The following TMEM150C variants were observed in gnomAD, a reference collection of about 807,000 sequenced individuals.
TMEM150C encodes transmembrane protein 150C.
Under a neutral mutation model 29.9 loss-of-function variants are expected in TMEM150C, and 10 were observed. That is an observed-to-expected ratio of 0.33 (90% CI 0.21 to 0.57). The LOEUF (loss-of-function observed/expected upper bound fraction) is 0.57, where lower values mean the gene tolerates loss of function less well. Ranked by LOEUF, TMEM150C falls within the 20% of genes least tolerant of loss-of-function variation. The probability of loss-of-function intolerance (pLI) is 0.88; values close to 1 mark genes in which losing one functional copy is unlikely to be tolerated. For synonymous variants in TMEM150C, 101 were observed against 112.5 expected (o/e 0.90, Z 0.64); for missense variants, 251 against 303.6 (o/e 0.83, Z 1.29).
chr4:82,496,114 G>A lies in TMEM150C; in HGVS notation c.317C>T (p.Ala106Val). The A allele has an allele frequency of 1.9e-6, 3 of 1,613,946 alleles. No individual in the cohort carries two copies. Among genetic ancestry groups the A allele is most frequent in the Non-Finnish European group, 2.5e-6 (3 of 1,179,884 alleles). ...CATTCCGAAGGAAGCCAGACACAGAGCCACCAATCCACTAATATTCAGCCA... is the reference window on the plus strand; with the variant it reads ...CATTCCGAAGGAAGCCAGACACAGAACCACCAATCCACTAATATTCAGCCA... ...NPWLNISGLV[A>V]LCLASFGMTL... Residue 106 changes from alanine to valine, a missense_variant, in exon 6 of 8, where the codon GCT becomes GTT. Transcript: ENST00000449862.
intron 1 of TMEM150C, among the ~76,000 whole-genome samples, chr4:82,546,624 C>T (rs760267495): frequency 2.0e-5 from 3 of 151,968 alleles, no homozygotes; most frequent in Non-Finnish European, 4.4e-5. Flanking sequence ...GCCAGGAGAT[C>T]GAGACCATCT....
intron 1 of TMEM150C, 130 bp from the exon 2 acceptor site, chr4:82,504,797 G>A (rs544297208): frequency 5.0e-5 from 30 of 600,362 alleles, no homozygotes; most frequent in Non-Finnish European, 8.7e-5. Context: ...TTGGGAGGCC[G>A]AGGTGGGCGG....
intron 6 of TMEM150C, chr4:82,491,125 C>T: frequency 1.4e-6 from 1 of 702,140 alleles, no homozygotes; most frequent in South Asian, 1.5e-5. Flanking sequence ...AGGAAGACAG[C>T]TAGCTCGATG....
intron 1 of TMEM150C, among the ~76,000 whole-genome samples, chr4:82,512,079 A>G (rs191330523): frequency 2.6e-5 from 4 of 152,150 alleles, no homozygotes; most frequent in Admixed American, 2.0e-4. Context: ...ACCTTTCTAG[A>G]CTCCTTTGAA....
At chr4:82,487,361 A>G (rs1167954552) in intron 7 of TMEM150C, among the ~76,000 whole-genome samples, 1 of 152,146 alleles carries the variant, frequency 6.6e-6, no homozygotes, top group East Asian at 1.9e-4. Flanking sequence ...AGATGGGAGG[A>G]TGGCTTGAAC....
Position 82,561,893 on chromosome 4 carries a change from G to GCGC in TMEM150C, c.-11+10_-11+12dup. The GCGC allele has an allele frequency of 2.0e-6, 2 of 992,578 alleles. No homozygotes were observed. Among genetic ancestry groups the GCGC allele is most frequent in the Non-Finnish European group, 2.4e-6 (2 of 834,478 alleles). 61.5% of individuals were successfully genotyped at this position (992,578 alleles called of 1,614,324 possible). ...GCGACGGGCCCAGGCAGGGGAGGGG[G>GCGC]CGCCGCGCCTACCTGCTCTGGTGCG... On this transcript the variant is annotated intron_variant, in intron 1 of 7. Coordinates refer to ENST00000449862, the MANE Select transcript of TMEM150C (RefSeq NM_001080506.3).
chr4:82,515,466 C>A (rs1023675542), intron 1 of TMEM150C, among the ~76,000 whole-genome samples: 1 of 151,986 alleles, frequency 6.6e-6, no homozygotes, highest in Non-Finnish European at 1.5e-5. Context: ...TGGCCGGGCG[C>A]GGTGGCTCAC....
chr4:82,520,900 C>A (rs1724460910), intron 1 of TMEM150C, among the ~76,000 whole-genome samples: 1 of 152,094 alleles, frequency 6.6e-6, no homozygotes, highest in Non-Finnish European at 1.5e-5. Flanking sequence ...AAAACACACA[C>A]AAAAACTGGC....
At chr4:82,512,446 C>T (rs1233477372) in intron 1 of TMEM150C, among the ~76,000 whole-genome samples, 1 of 152,198 alleles carries the variant, frequency 6.6e-6, no homozygotes, top group Non-Finnish European at 1.5e-5. Context: ...GCACCAAAAT[C>T]CACTCTGTCT....
intron 1 of TMEM150C, among the ~76,000 whole-genome samples, chr4:82,561,554 G>A (rs1040055815): frequency 4.0e-5 from 6 of 150,924 alleles, no homozygotes; most frequent in East Asian, 1.9e-4. Flanking sequence ...GGACGGGGCC[G>A]GGGCCGGGGC....
intron 1 of TMEM150C, among the ~76,000 whole-genome samples, chr4:82,559,374 G>A (rs564886248): frequency 1.3e-5 from 2 of 148,436 alleles, no homozygotes; most frequent in South Asian, 2.1e-4. Context: ...GTAAAACCCC[G>A]TCTCTACTAA....
At chr4:82,527,493 C>T (rs972453112) in intron 1 of TMEM150C, among the ~76,000 whole-genome samples, 10 of 152,264 alleles carry the variant, frequency 6.6e-5, no homozygotes, top group Non-Finnish European at 4.4e-5. Context: ...AGCTCCACGA[C>T]GAAAGGTACC....
intron 1 of TMEM150C, among the ~76,000 whole-genome samples, chr4:82,555,359 T>G (rs1000571189): frequency 1.3e-5 from 2 of 152,196 alleles, no homozygotes; most frequent in African/African-American, 2.4e-5. Context: ...AACAAATGTG[T>G]GCAGAAGTTA....
At chr4:82,495,441 A>C in intron 6 of TMEM150C, 1 of 327,398 alleles carries the variant, frequency 3.1e-6, no homozygotes, top group Non-Finnish European at 5.9e-6. Flanking sequence ...ACTCCGTCTC[A>C]AAAAAGAAAA....
At chr4:82,557,888 G>A (rs751909593) in intron 1 of TMEM150C, among the ~76,000 whole-genome samples, 94 of 151,770 alleles carry the variant, frequency 6.2e-4, no homozygotes, top group Middle Eastern at 6.9e-3. Flanking sequence ...GCCACCATGC[G>A]CAGCTAATTT....
At chr4:82,526,538 A>G (rs1452469929) in intron 1 of TMEM150C, among the ~76,000 whole-genome samples, 1 of 152,204 alleles carries the variant, frequency 6.6e-6, no homozygotes, top group African/African-American at 2.4e-5. Flanking sequence ...TCTCTTATTA[A>G]TCCCTTACAG....
intron 5 of TMEM150C, among the ~76,000 whole-genome samples, chr4:82,501,012 G>A (rs1723720409): frequency 6.6e-6 from 1 of 152,238 alleles, no homozygotes. Flanking sequence ...CAGCCTGCAG[G>A]CCTACGTGCT....
At chr4:82,498,001 C>T (rs1723610682) in intron 5 of TMEM150C, among the ~76,000 whole-genome samples, 1 of 145,944 alleles carries the variant, frequency 6.9e-6, no homozygotes, top group Non-Finnish European at 1.5e-5. Flanking sequence ...TAACAAGATA[C>T]TAAGACAGCA....
chr4:82,548,023 T>TA (rs1349543643), intron 1 of TMEM150C, among the ~76,000 whole-genome samples: 2 of 152,096 alleles, frequency 1.3e-5, no homozygotes, highest in African/African-American at 4.8e-5. Context: ...TATACAGCCA[T>TA]AAAAAAGAAT....
Sources: allele counts gnomAD v4.1 joint callset (sites outside exome capture counted in the v4.1 genomes callset), GRCh38; gene constraint gnomAD v4.1.1; transcripts MANE v1.5; gene names NCBI Gene and HGNC (gene_info 2026-07-23, HGNC 2026-07-21).